The following MAP4K3 variants were observed in gnomAD, a reference collection of about 807,000 sequenced individuals.
MAP4K3 encodes the protein mitogen-activated protein kinase kinase kinase kinase 3, also known as MAPK/ERK kinase kinase kinase 3.
Under a neutral mutation model 143.5 loss-of-function variants are expected in MAP4K3, and 94 were observed. The observed-to-expected ratio is 0.65, with a 90% CI of 0.55 to 0.78. The LOEUF is 0.78. MAP4K3 is among the 30% of genes least tolerant of loss of function. The pLI is 0.00. For missense variants in MAP4K3, 1,077 were observed against 1,068.1 expected (o/e 1.01, Z -0.12); for synonymous variants, 416 against 347.2 (o/e 1.20, Z -2.20).
At chr2:39,429,064 C>CAA (rs34783806) in intron 1 of MAP4K3, among the ~76,000 whole-genome samples, 4,480 of 57,626 alleles carry the variant, frequency 0.078, 528 homozygotes, top group Middle Eastern at 0.14. Flanking sequence ...GACTCCGTCT[C>CAA]AAAAAAAAAA....
intron 2 of MAP4K3, among the ~76,000 whole-genome samples, chr2:39,366,337 A>G (rs760971104): frequency 4.6e-5 from 7 of 152,088 alleles, no homozygotes; most frequent in Non-Finnish European, 8.8e-5. Flanking sequence ...CTGATTGGCA[A>G]TTGGTTTAGA....
chr2:39,339,935 AAAT>A (rs1334376939), intron 4 of MAP4K3, among the ~76,000 whole-genome samples: 1 of 152,216 alleles, frequency 6.6e-6, no homozygotes, highest in African/African-American at 2.4e-5. Context: ...ATAAGTGAGA[AAAT>A]AATTAACCAT....
intron 28 of MAP4K3, among the ~76,000 whole-genome samples, chr2:39,262,234 G>A (rs1680599774): frequency 6.6e-6 from 1 of 152,166 alleles, no homozygotes; most frequent in African/African-American, 2.4e-5. Flanking sequence ...GTTTTAAAGT[G>A]TTGGAAGACA....
At chr2:39,388,364 C>T (rs1315714190) in intron 1 of MAP4K3, among the ~76,000 whole-genome samples, 2 of 152,190 alleles carry the variant, frequency 1.3e-5, no homozygotes, top group Non-Finnish European at 2.9e-5. Context: ...CACTCTTTTA[C>T]GTGCACTGAA....
At chr2:39,355,540 A>C (rs1446169481) in intron 3 of MAP4K3, among the ~76,000 whole-genome samples, 1 of 151,946 alleles carries the variant, frequency 6.6e-6, no homozygotes, top group African/African-American at 2.4e-5. Context: ...CCGCCCCCAC[A>C]AAAGAAAGAA....
rs1681062062 is a variant in MAP4K3, at chr2:39,272,352, T to C, written c.1904A>G (p.Tyr635Cys). 1 of 1,613,802 alleles carries C rather than the reference T, an allele frequency of 6.2e-7. No homozygotes were observed. Among genetic ancestry groups the C allele is most frequent in the Non-Finnish European group, 8.5e-7 (1 of 1,179,850 alleles). The change falls in exon 26 of 34, where the codon TAT (tyrosine) becomes TGT (cysteine). Residue 635 changes from tyrosine (Y) to cysteine (C), a missense_variant. Transcript: ENST00000263881. ...YSHNLPGLFD[Y>C]ARQMQKLPVA... ...AGGTAACTTTTGCATTTGTCTTGCA[T>C]AATCAAAAAGCCCTGGTAAATTATG... is the stretch of plus-strand genomic sequence containing the variant.
rs530996004 is a variant in MAP4K3, at chr2:39,297,186, C to T, written c.1178+2557G>A. 1.4e-3 allele frequency among the ~76,000 whole-genome samples: 206 copies of T among 151,826 alleles called. 3 individuals carry two copies. The highest frequency in any genetic ancestry group is 4.7e-3 in the African/African-American group (193 of 41,386). On this transcript the variant is annotated intron_variant, in intron 16 of 33. Coordinates refer to ENST00000263881, the MANE Select transcript of MAP4K3 (RefSeq NM_003618.4). Reference sequence around the variant, plus strand: ...AGGCTGGAGTGCAATGGCACGATCTCGGCTCACTGCAACCACCGCCTCCTG... The same window carrying T: ...AGGCTGGAGTGCAATGGCACGATCTTGGCTCACTGCAACCACCGCCTCCTG...
chr2:39,283,293 T>C (rs1273937985), intron 21 of MAP4K3, among the ~76,000 whole-genome samples: 4 of 152,194 alleles, frequency 2.6e-5, no homozygotes, highest in African/African-American at 9.7e-5. Flanking sequence ...CTCCTGGTTC[T>C]TTCTAGTCTC....
At chr2:39,278,366 CTTAAAAA>C (rs1160498337) in intron 24 of MAP4K3, 34 bp downstream of exon 24, 1 of 1,241,314 alleles carries the variant, frequency 8.1e-7, no homozygotes, top group Admixed American at 2.2e-5. Flanking sequence ...CTTATGGTAA[CTTAAAAA>C]TTAAAAAAAA....
chr2:39,350,499 T>C (rs903203306), intron 3 of MAP4K3, among the ~76,000 whole-genome samples: 1 of 152,176 alleles, frequency 6.6e-6, no homozygotes, highest in Non-Finnish European at 1.5e-5. Flanking sequence ...GGGTATAAAG[T>C]GACTTAACTG....
chr2:39,385,583 T>TATATATAC (rs1553422499), intron 1 of MAP4K3, among the ~76,000 whole-genome samples: 14 of 77,264 alleles, frequency 1.8e-4, no homozygotes, highest in African/African-American at 4.0e-4. Flanking sequence ...TATATATATA[T>TATATATAC]ATATATATAT....
chr2:39,314,578 A>G (rs1683051737), intron 13 of MAP4K3, among the ~76,000 whole-genome samples: 1 of 152,196 alleles, frequency 6.6e-6, no homozygotes, highest in Admixed American at 6.5e-5. Context: ...ATAACCCACC[A>G]TACTTTCCAG....
intron 3 of MAP4K3, among the ~76,000 whole-genome samples, chr2:39,349,836 T>C (rs1425264472): frequency 1.3e-5 from 2 of 152,232 alleles, no homozygotes; most frequent in African/African-American, 4.8e-5. Flanking sequence ...AGATTATTTT[T>C]TCAATACACC....
intron 32 of MAP4K3, 57 bp from the exon 33 acceptor site, chr2:39,251,942 G>A: frequency 9.0e-7 from 1 of 1,106,276 alleles, no homozygotes; most frequent in Admixed American, 1.8e-5. Context: ...AATTTTTAAT[G>A]GGCACTTCAT....
intron 2 of MAP4K3, among the ~76,000 whole-genome samples, chr2:39,366,812 TA>T (rs1665937054): frequency 6.6e-6 from 1 of 152,230 alleles, no homozygotes; most frequent in Non-Finnish European, 1.5e-5. Flanking sequence ...ACCCACTGGC[TA>T]ATCTTTAAAA....
At chr2:39,337,612 AT>A in intron 4 of MAP4K3, 31 bp from the exon 5 acceptor site, 1 of 1,453,902 alleles carries the variant, frequency 6.9e-7, no homozygotes, top group Non-Finnish European at 9.6e-7. Context: ...TACTCATAAA[AT>A]TAGTCAACGC....
At chr2:39,352,370 T>C (rs1219092895) in intron 3 of MAP4K3, among the ~76,000 whole-genome samples, 2 of 152,204 alleles carry the variant, frequency 1.3e-5, no homozygotes, top group African/African-American at 2.4e-5. Context: ...ATGTCTCCAT[T>C]TTCTTAACTT....
chr2:39,271,631 A>G (rs1386117206), intron 26 of MAP4K3, among the ~76,000 whole-genome samples: 1 of 152,212 alleles, frequency 6.6e-6, no homozygotes, highest in Non-Finnish European at 1.5e-5. Context: ...TTGCCTTGTT[A>G]GCCAGGCTGG....
At position 39,408,127 on chromosome 2, in the gene MAP4K3, C is replaced by A. The variant is rs571475725; in HGVS notation, c.96+28765G>T. 1.2e-3 allele frequency among the ~76,000 whole-genome samples: 176 copies of A among 152,110 alleles called. 1 individual carries two copies. The highest frequency in any genetic ancestry group is 4.0e-3 in the African/African-American group (168 of 41,526). ...GTCTTTTGGTTGTACAAAACAAAAA[C>A]AAAAAGCAAAAAATAAAAAAAACCA... On this transcript the variant is annotated intron_variant, in intron 1 of 33. Transcript: ENST00000263881.
Sources: gnomAD v4.1 joint callset for allele counts (sites outside exome capture counted in the v4.1 genomes callset) on GRCh38, gnomAD v4.1.1 for gene constraint, MANE v1.5 for transcripts, NCBI Gene and HGNC (gene_info 2026-07-23, HGNC 2026-07-21) for gene names.